SPTLC3: variants seen among roughly 807,000 people sequenced by gnomAD.
SPTLC3 encodes serine palmitoyltransferase 3.
A neutral mutation model predicts 59.3 loss-of-function variants in SPTLC3; 36 were observed. The observed-to-expected ratio is 0.61, with a 90% CI of 0.47 to 0.80. SPTLC3 has a LOEUF of 0.80. Among genes scored for constraint, SPTLC3 ranks in the 30% least tolerant of loss-of-function variants. The probability of loss-of-function intolerance (pLI) is 0.00; values close to 1 mark genes in which losing one functional copy is unlikely to be tolerated. For synonymous variants in SPTLC3, 257 were observed against 240.8 expected (o/e 1.07, Z -0.62); for missense variants, 625 against 685.1 (o/e 0.91, Z 0.98).
At chr20:13,093,746 G>A (rs1989314453) in intron 6 of SPTLC3, among the ~76,000 whole-genome samples, 169 bp downstream of exon 6, 1 of 152,162 alleles carries the variant, frequency 6.6e-6, no homozygotes, top group Non-Finnish European at 1.5e-5. Flanking sequence ...TGGAACAAAT[G>A]GTTGAAATGC....
intron 6 of SPTLC3, among the ~76,000 whole-genome samples, chr20:13,099,973 T>C (rs559480639): frequency 6.6e-6 from 1 of 152,330 alleles, no homozygotes; most frequent in African/African-American, 2.4e-5. Flanking sequence ...TGGAATTTCA[T>C]GCAACTCTAA....
intron 9 of SPTLC3, among the ~76,000 whole-genome samples, chr20:13,129,380 G>A (rs1394920796): frequency 6.6e-6 from 1 of 152,180 alleles, no homozygotes; most frequent in African/African-American, 2.4e-5. Flanking sequence ...TCTGCTGTAT[G>A]AAAAACTGTT....
intron 2 of SPTLC3, among the ~76,000 whole-genome samples, chr20:13,056,934 G>A (rs542401853): frequency 6.6e-5 from 10 of 151,750 alleles, no homozygotes; most frequent in East Asian, 2.0e-4. Context: ...TACAGACAGC[G>A]TTTCACTATG....
chr20:13,034,894 C>T (rs532296998), intron 1 of SPTLC3, among the ~76,000 whole-genome samples: 1 of 152,170 alleles, frequency 6.6e-6, no homozygotes, highest in African/African-American at 2.4e-5. Context: ...AAGAGACCAC[C>T]CAGGAGGTAA....
intron 7 of SPTLC3, among the ~76,000 whole-genome samples, chr20:13,115,854 G>A (rs1253955266): frequency 6.6e-6 from 1 of 152,110 alleles, no homozygotes; most frequent in Non-Finnish European, 1.5e-5. Flanking sequence ...CCATCATCCT[G>A]TTTGTATTGC....
At chr20:13,098,371 G>A (rs930788054) in intron 6 of SPTLC3, among the ~76,000 whole-genome samples, 11 of 152,134 alleles carry the variant, frequency 7.2e-5, no homozygotes, top group South Asian at 4.1e-4. Flanking sequence ...ATGCATAGAC[G>A]AGATGATTAA....
At chr20:13,049,405 A>G (rs180856851) in intron 2 of SPTLC3, 1 of 317,214 alleles carries the variant, frequency 3.2e-6, no homozygotes, top group East Asian at 7.4e-5. Context: ...ACCCCATGAT[A>G]TAGATATTAA....
At chr20:13,019,130 G>A (rs528555096) in intron 1 of SPTLC3, among the ~76,000 whole-genome samples, 1 of 152,188 alleles carries the variant, frequency 6.6e-6, no homozygotes, top group African/African-American at 2.4e-5. Flanking sequence ...AGGGCCTTGT[G>A]TAGGACAGTA....
chr20:13,091,287 T>C, intron 5 of SPTLC3, 80 bp downstream of exon 5: 1 of 1,540,906 alleles, frequency 6.5e-7, no homozygotes, highest in South Asian at 1.2e-5. Context: ...GTTAGAAGTA[T>C]GGCTGAGATG....
chr20:13,085,958 T>C (rs772120199), intron 4 of SPTLC3, among the ~76,000 whole-genome samples: 9 of 152,178 alleles, frequency 5.9e-5, no homozygotes, highest in Non-Finnish European at 1.0e-4. Flanking sequence ...ATAAGATTCA[T>C]TTTATGCATA....
intron 6 of SPTLC3, among the ~76,000 whole-genome samples, chr20:13,107,794 C>G (rs1465444646): frequency 7.8e-6 from 1 of 128,804 alleles, no homozygotes; most frequent in South Asian, 2.4e-4. Context: ...TTTTTTGTAT[C>G]TGTTGGTTCT....
chr20:13,135,051 T>C (rs1452116367), intron 9 of SPTLC3, among the ~76,000 whole-genome samples: 2 of 152,210 alleles, frequency 1.3e-5, no homozygotes, highest in East Asian at 3.9e-4. Flanking sequence ...TGTAAAGTCA[T>C]TAAGAGTTCA....
chr20:13,019,385 A>G (rs570628497), intron 1 of SPTLC3, among the ~76,000 whole-genome samples: 1 of 152,320 alleles, frequency 6.6e-6, no homozygotes, highest in Non-Finnish European at 1.5e-5. Context: ...AGAGTGTAGG[A>G]AATAGGCTAA....
chr20:13,165,018 T>A lies in SPTLC3; in HGVS notation c.*151T>A, dbSNP rs149055323. The A allele has an allele frequency of 2.0e-3, 1,231 of 605,598 alleles. 11 individuals are homozygous for A. The African/African-American group carries it at 0.021, about 10-fold the overall frequency. The allele number at this position is 605,598 out of a possible 1,614,324, so 37.5% of individuals were successfully genotyped here. On this transcript the variant is annotated 3_prime_UTR_variant, in exon 12 of 12. Coordinates refer to ENST00000399002, the MANE Select transcript of SPTLC3 (RefSeq NM_018327.4). The stretch of plus-strand genomic sequence containing the variant: ...GAACTGAGGGAGACGTTGTTGTTTT[T>A]AATGTCTCCAGCTTGGACTGCAGAG...
intron 1 of SPTLC3, among the ~76,000 whole-genome samples, chr20:13,043,194 C>T (rs537457653): frequency 3.9e-5 from 6 of 152,290 alleles, no homozygotes; most frequent in East Asian, 1.9e-4. Context: ...ACCCCAAATA[C>T]GTTCCATTTC....
intron 1 of SPTLC3, among the ~76,000 whole-genome samples, chr20:13,032,646 C>T (rs1986544036): frequency 6.6e-6 from 1 of 152,120 alleles, no homozygotes; most frequent in Non-Finnish European, 1.5e-5. Context: ...CTTGGCTCTC[C>T]CTCATTCACT....
rs550367618 is a variant in SPTLC3, at chr20:13,168,896, T to C, written c.*4029T>C. 6.6e-6 allele frequency: 1 copy of C among 152,200 alleles called. No homozygotes were observed. The highest frequency in any genetic ancestry group is 2.1e-4 in the South Asian group (1 of 4,806). 9.4% of individuals were successfully genotyped at this position (152,200 alleles called of 1,614,324 possible). ...AAAGAGTCTGTATTTTAAATATTTT[T>C]AGGTAATTATTGCGGGACATTGTCT... On this transcript the variant is annotated 3_prime_UTR_variant, in exon 12 of 12. Transcript: ENST00000399002.
At chr20:13,086,803 T>G (rs1447983425) in intron 4 of SPTLC3, among the ~76,000 whole-genome samples, 1 of 152,066 alleles carries the variant, frequency 6.6e-6, no homozygotes. Flanking sequence ...CTTTTCTTCT[T>G]TTTTTCCCCT....
intron 1 of SPTLC3, among the ~76,000 whole-genome samples, chr20:13,020,732 A>G (rs1985837126): frequency 6.6e-6 from 1 of 152,170 alleles, no homozygotes; most frequent in African/African-American, 2.4e-5. Flanking sequence ...GAGGAATGAT[A>G]GTAGAAAGAC....
Sources: gnomAD v4.1 joint callset for allele counts (sites outside exome capture counted in the v4.1 genomes callset) on GRCh38, gnomAD v4.1.1 for gene constraint, MANE v1.5 for transcripts, NCBI Gene and HGNC (gene_info 2026-07-23, HGNC 2026-07-21) for gene names.